Variants in OPRM1 observed in about 807,000 individuals in gnomAD.
The protein encoded by OPRM1 is opioid receptor mu 1, also known as mu-type opioid receptor.
OPRM1 carries 27 observed loss-of-function variants against 31.8 expected under a neutral mutation model. The ratio of observed to expected loss-of-function variants is 0.85; its 90% CI spans 0.63 to 1.17. OPRM1 has a LOEUF of 1.17. Among genes scored for constraint, OPRM1 ranks in the 50% most tolerant of loss-of-function variants. The pLI, the probability that OPRM1 is intolerant of heterozygous loss-of-function variation, is 0.00. For missense variants in OPRM1, 536 were observed against 511.1 expected (o/e 1.05, Z -0.47); for synonymous variants, 196 against 189.9 (o/e 1.03, Z -0.26).
At chr6:154,170,245 T>G (rs1799766557) in intron 3 of OPRM1, among the ~76,000 whole-genome samples, 1 of 152,000 alleles carries the variant, frequency 6.6e-6, no homozygotes, top group South Asian at 2.1e-4. Flanking sequence ...CACATACTCC[T>G]TAATGTTTAT....
intron 2 of OPRM1, among the ~76,000 whole-genome samples, chr6:154,090,598 C>T (rs1291475979): frequency 6.6e-6 from 1 of 152,038 alleles, no homozygotes; most frequent in African/African-American, 2.4e-5. Flanking sequence ...GAAGTGAAAA[C>T]ATCCATTACC....
intron 1 of OPRM1, among the ~76,000 whole-genome samples, chr6:154,043,726 A>G (rs1304787154): frequency 6.6e-6 from 1 of 152,116 alleles, no homozygotes; most frequent in Non-Finnish European, 1.5e-5. Context: ...ATTTAAAGTG[A>G]AAAACACTAA....
intron 3 of OPRM1, among the ~76,000 whole-genome samples, chr6:154,106,606 T>C (rs681243): frequency 0.65 from 99,607 of 152,178 alleles, 33,064 homozygotes; most frequent in East Asian, 0.9. Flanking sequence ...ATCTGAGGCA[T>C]TTTTGGACTT....
At position 154,166,436 on chromosome 6, in the gene OPRM1, C is replaced by T. The variant is rs142321075; in HGVS notation, c.1164+74964C>T. Among the ~76,000 whole-genome samples the T allele has an allele frequency of 1.4e-4, 22 of 152,338 alleles. No homozygotes were observed. In the East Asian group the frequency reaches 1.7e-3, roughly 12 times the overall value. ...GGCCTCTACTTCCTGCTTCTCCCAA[C>T]GTGGAACTACAGCTTATTATCCGTT... On this transcript the variant is annotated intron_variant, in intron 3 of 3. Transcript: ENST00000337049.
intron 1 of OPRM1, among the ~76,000 whole-genome samples, chr6:154,043,443 A>T (rs1413805531): frequency 6.6e-6 from 1 of 152,012 alleles, no homozygotes; most frequent in Non-Finnish European, 1.5e-5. Flanking sequence ...TTGAAACAGA[A>T]GTATAAGCTT....
chr6:154,091,114 G>T lies in OPRM1; in HGVS notation c.806G>T (p.Gly269Val). The T allele has an allele frequency of 6.2e-7, 1 of 1,614,168 alleles. No homozygotes were observed. Among genetic ancestry groups the T allele is most frequent in the Non-Finnish European group, 8.5e-7 (1 of 1,180,030 alleles). Reference protein sequence around the residue: ...LRLKSVRMLSGSKEKDRNLRR... With the variant: ...LRLKSVRMLSVSKEKDRNLRR... ...CTCAAGAGTGTCCGCATGCTCTCTG[G>T]CTCCAAAGAAAAGGACAGGAATCTT... Residue 269 changes from glycine (G) to valine (V), a missense_variant, in exon 3 of 4, where the codon GGC (glycine) becomes GTC (valine). Gly to Val is a moderately radical substitution (Grantham distance 109). Coordinates refer to ENST00000330432, the MANE Select transcript of OPRM1 (RefSeq NM_000914.5).
At chr6:154,236,562 A>T (rs777322716) in intron 3 of OPRM1, among the ~76,000 whole-genome samples, 1 of 152,248 alleles carries the variant, frequency 6.6e-6, no homozygotes, top group African/African-American at 2.4e-5. Context: ...ATTAAAAAAC[A>T]TTTAATTTTA....
chr6:154,023,265 ACTT>A (rs1424964447), intron 1 of OPRM1, among the ~76,000 whole-genome samples: 1 of 152,110 alleles, frequency 6.6e-6, no homozygotes, highest in Non-Finnish European at 1.5e-5. Context: ...GACATCTGTC[ACTT>A]CTTTGGTTAA....
chr6:154,202,833 T>G (rs1287365535), intron 3 of OPRM1, among the ~76,000 whole-genome samples: 1 of 151,302 alleles, frequency 6.6e-6, no homozygotes, highest in African/African-American at 2.4e-5. Context: ...TAAATTTCAT[T>G]TTTAAATGGA....
In OPRM1 at chr6:154,091,309, A is replaced by G. The variant is rs949954608; in HGVS notation, c.1001A>G (p.Asn334Ser). The change falls in exon 3 of 4, where the codon AAC becomes AGC. Residue 334 changes from asparagine to serine, a missense_variant. Physicochemically the swap from Asn to Ser is conservative, Grantham distance 46. Transcript: ENST00000330432. Reference protein sequence around the residue: ...IALGYTNSCLNPVLYAFLDEN... With the variant: ...IALGYTNSCLSPVLYAFLDEN... ...CTAGGTTACACAAACAGCTGCCTCA[A>G]CCCAGTCCTTTATGCATTTCTGGAT... The G allele has an allele frequency of 6.2e-7, 1 of 1,614,152 alleles. No homozygotes were observed.
intron 3 of OPRM1, chr6:154,200,113 T>A: frequency 7.3e-7 from 1 of 1,376,392 alleles, no homozygotes; most frequent in Non-Finnish European, 9.8e-7. Flanking sequence ...TACCTTTTAT[T>A]TTCAATCACG....
intron 3 of OPRM1, among the ~76,000 whole-genome samples, chr6:154,214,494 C>T (rs1011200045): frequency 3.3e-5 from 5 of 152,108 alleles, no homozygotes; most frequent in Admixed American, 6.5e-5. Flanking sequence ...GTGAGGTGGC[C>T]CATTACTCAG....
At chr6:154,226,530 T>C (rs1779265089) in intron 3 of OPRM1, among the ~76,000 whole-genome samples, 1 of 152,132 alleles carries the variant, frequency 6.6e-6, no homozygotes, top group Non-Finnish European at 1.5e-5. Flanking sequence ...CAAAGTTGTA[T>C]AGTTGCTGCA....
rs1400630681 is a variant in OPRM1, at chr6:154,168,235, G to A, written c.1164+76763G>A. The A allele has an allele frequency of 7.5e-6, 5 of 663,686 alleles. No individual in the cohort carries two copies. Among genetic ancestry groups the A allele is most frequent in the African/African-American group, 3.6e-5 (2 of 56,032 alleles). The allele number at this position is 663,686 out of a possible 1,614,324, so 41.1% of individuals were successfully genotyped here. A position where few individuals can be genotyped will look rare whatever the true frequency, so the allele number is the denominator to read the frequency against. ...GCACCCTCATCTCAGACTTCTCTCCGGAACTGAAAGACAATAAATGTTTGC... is the reference window on the plus strand; with the variant it reads ...GCACCCTCATCTCAGACTTCTCTCCAGAACTGAAAGACAATAAATGTTTGC... On this transcript the variant is annotated intron_variant, in intron 3 of 3. Coordinates refer to the OPRM1 transcript ENST00000337049. This position sits in a 1 kb window ranked among gnomAD's most constrained non-coding sequence, Gnocchi z 4.1.
At chr6:154,030,978 A>G (rs1401122293) in intron 1 of OPRM1, among the ~76,000 whole-genome samples, 2 of 152,200 alleles carry the variant, frequency 1.3e-5, no homozygotes, top group African/African-American at 4.8e-5. Flanking sequence ...TGAAGCCTAG[A>G]CTATATAATC....
At chr6:154,081,948 A>G (rs369037631) in intron 1 of OPRM1, among the ~76,000 whole-genome samples, 47 of 152,334 alleles carry the variant, frequency 3.1e-4, no homozygotes, top group African/African-American at 9.6e-4. Context: ...GAGGCAAACT[A>G]GCAAGCAATA....
intron 3 of OPRM1, chr6:154,155,584 G>A (rs951957692): frequency 6.6e-6 from 1 of 152,126 alleles, no homozygotes; most frequent in Non-Finnish European, 1.5e-5. Context: ...ATCACCTGAG[G>A]TCAGGAGTTT....
At chr6:154,200,258 C>T (rs905851626) in intron 3 of OPRM1, among the ~76,000 whole-genome samples, 14 of 152,176 alleles carry the variant, frequency 9.2e-5, no homozygotes, top group Non-Finnish European at 2.1e-4. Context: ...ATTCACTGTT[C>T]TAGGATCTGA....
At chr6:154,065,692 A>G (rs1469991649) in intron 1 of OPRM1, among the ~76,000 whole-genome samples, 2 of 152,044 alleles carry the variant, frequency 1.3e-5, no homozygotes, top group African/African-American at 4.8e-5. Flanking sequence ...TTCTACTTAT[A>G]AGATTATGTC....
Sources: allele counts gnomAD v4.1 joint callset (sites outside exome capture counted in the v4.1 genomes callset), GRCh38; gene constraint gnomAD v4.1.1; non-coding constraint Gnocchi (gnomAD v3.1); transcripts MANE v1.5; gene names NCBI Gene and HGNC (gene_info 2026-07-23, HGNC 2026-07-21).